The following FAM151B variants were observed in gnomAD, a reference collection of about 807,000 sequenced individuals.
The protein encoded by FAM151B is protein FAM151B.
FAM151B carries 24 observed loss-of-function variants against 31.2 expected under a neutral mutation model. The observed-to-expected ratio is 0.77, with a 90% confidence interval of 0.56 to 1.08. The LOEUF (loss-of-function observed/expected upper bound fraction) is 1.08. Ranked by LOEUF, FAM151B falls within the 50% of genes least tolerant of loss-of-function variation. The pLI is 0.00. For missense variants in FAM151B, 293 were observed against 328.6 expected (o/e 0.89, Z 0.84); for synonymous variants, 105 against 111.4 (o/e 0.94, Z 0.36).
intron 5 of FAM151B, among the ~76,000 whole-genome samples, chr5:80,529,133 G>A (rs1475873485): frequency 6.6e-6 from 1 of 152,158 alleles, no homozygotes; most frequent in Non-Finnish European, 1.5e-5. Flanking sequence ...GCTCCTGAGT[G>A]ACTACTGGGT....
At chr5:80,523,945 T>C (rs1156614039) in intron 5 of FAM151B, among the ~76,000 whole-genome samples, 1 of 152,152 alleles carries the variant, frequency 6.6e-6, no homozygotes, top group Non-Finnish European at 1.5e-5. Context: ...GACATTCTCT[T>C]TTTGCAAACA....
chr5:80,531,467 A>C (rs1745241377), intron 5 of FAM151B, among the ~76,000 whole-genome samples: 1 of 152,220 alleles, frequency 6.6e-6, no homozygotes, highest in African/African-American at 2.4e-5. Flanking sequence ...GAATGGGAGA[A>C]AATTTTTACA....
chr5:80,497,901 C>A (rs1226574942), intron 1 of FAM151B, among the ~76,000 whole-genome samples: 1 of 151,824 alleles, frequency 6.6e-6, no homozygotes, highest in Non-Finnish European at 1.5e-5. Flanking sequence ...ATGTAACAAA[C>A]CTGCACGTTG....
intron 2 of FAM151B, among the ~76,000 whole-genome samples, chr5:80,512,121 C>T (rs143098148): frequency 3.0e-3 from 451 of 152,138 alleles, no homozygotes; most frequent in African/African-American, 7.9e-3. Flanking sequence ...TTGATAAAAA[C>T]GTTGAAACTT....
At chr5:80,502,373 A>G (rs1459746643) in intron 2 of FAM151B, among the ~76,000 whole-genome samples, 3 of 152,202 alleles carry the variant, frequency 2.0e-5, no homozygotes, top group Non-Finnish European at 4.4e-5. Context: ...TTTTAAGATC[A>G]GGACCATGTA....
intron 5 of FAM151B, among the ~76,000 whole-genome samples, chr5:80,538,707 G>A (rs928388300): frequency 2.0e-5 from 3 of 150,180 alleles, no homozygotes; most frequent in African/African-American, 7.4e-5. Context: ...AGTGATTCTC[G>A]TGTCTCAACC....
At chr5:80,501,465 GAAAAA>G in intron 1 of FAM151B, 56 of 84,794 alleles carry the variant, frequency 6.6e-4, no homozygotes, top group South Asian at 3.8e-3. Context: ...CTCTCAAATT[GAAAAA>G]AAAAAAAAAA....
chr5:80,537,289 C>T (rs1440561767), intron 5 of FAM151B, among the ~76,000 whole-genome samples: 2 of 152,208 alleles, frequency 1.3e-5, no homozygotes, highest in Non-Finnish European at 2.9e-5. Context: ...AGAGCAGCAT[C>T]CCACATGGGG....
chr5:80,505,405 TC>T (rs758088486), intron 2 of FAM151B, among the ~76,000 whole-genome samples: 15,703 of 147,550 alleles, frequency 0.11, 1,586 homozygotes, highest in African/African-American at 0.25. Context: ...TTTTTTTTTT[TC>T]TTTTTTGAGA....
intron 1 of FAM151B, among the ~76,000 whole-genome samples, chr5:80,492,743 G>T (rs370293987): frequency 6.6e-6 from 1 of 152,090 alleles, no homozygotes; most frequent in South Asian, 2.1e-4. Context: ...ACATGAAGCC[G>T]GCAGTTCAAG....
intron 5 of FAM151B, among the ~76,000 whole-genome samples, chr5:80,526,257 T>A (rs1444462148): frequency 6.6e-6 from 1 of 152,166 alleles, no homozygotes; most frequent in African/African-American, 2.4e-5. Flanking sequence ...AAGAGTCAAC[T>A]ATATTGATTT....
At chr5:80,496,352 T>G (rs1201289533) in intron 1 of FAM151B, among the ~76,000 whole-genome samples, 2 of 152,248 alleles carry the variant, frequency 1.3e-5, no homozygotes, top group Admixed American at 6.5e-5. Context: ...TGTTAACACT[T>G]TTTAGCAATA....
At chr5:80,504,332 T>C (rs1319157220) in intron 2 of FAM151B, among the ~76,000 whole-genome samples, 1 of 152,122 alleles carries the variant, frequency 6.6e-6, no homozygotes, top group African/African-American at 2.4e-5. Context: ...CCATCTTTCT[T>C]ATCATTATCC....
intron 1 of FAM151B, chr5:80,500,692 C>A: frequency 1.2e-6 from 1 of 800,040 alleles, no homozygotes; most frequent in Non-Finnish European, 2.2e-6. Context: ...TCAGTGGAAC[C>A]TTTGTGAAGC....
At chr5:80,496,799 A>ATTTTTT (rs367658683) in intron 1 of FAM151B, among the ~76,000 whole-genome samples, 1 of 57,738 alleles carries the variant, frequency 1.7e-5, no homozygotes, top group African/African-American at 5.9e-5. Flanking sequence ...TTTTTGCTTA[A>ATTTTTT]TTTTTTTTTT....
chr5:80,491,614 C>A (rs1398810084), intron 1 of FAM151B, among the ~76,000 whole-genome samples: 1 of 152,158 alleles, frequency 6.6e-6, no homozygotes, highest in Non-Finnish European at 1.5e-5. Context: ...ACTGACATAT[C>A]CCCCTCCCAT....
intron 3 of FAM151B, among the ~76,000 whole-genome samples, chr5:80,514,118 T>C (rs1051242019): frequency 6.6e-6 from 1 of 152,192 alleles, no homozygotes; most frequent in South Asian, 2.1e-4. Flanking sequence ...TTGATTTATG[T>C]TATTATATTT....
intron 1 of FAM151B, chr5:80,498,476 TGGGGGGC>T: frequency 1.6e-6 from 1 of 643,988 alleles, no homozygotes; most frequent in Admixed American, 2.4e-5. Context: ...TTTGGTTTTT[TGGGGGGC>T]TTTTAAAAAA....
chr5:80,515,742 G>T (rs1328449196), intron 3 of FAM151B, among the ~76,000 whole-genome samples: 1 of 152,206 alleles, frequency 6.6e-6, no homozygotes, highest in East Asian at 1.9e-4. Context: ...TGTTGTAAAA[G>T]CATTGCATGT....
Sources: allele counts gnomAD v4.1 joint callset (sites outside exome capture counted in the v4.1 genomes callset), GRCh38; gene constraint gnomAD v4.1.1; transcripts MANE v1.5; gene names NCBI Gene and HGNC (gene_info 2026-07-23, HGNC 2026-07-21).